Variants in CHLSN observed in about 807,000 individuals in gnomAD.
The protein encoded by CHLSN is cholesin.
At chr7:986,554 G>C in the CHLSN span, 21 of 1,566,762 alleles carry the variant, frequency 1.3e-5, no homozygotes, top group African/African-American at 4.1e-5. Flanking sequence ...CGCTGGGGAC[G>C]ATCACCGCCT....
chr7:1,130,702 T>C, the CHLSN span, among the ~76,000 whole-genome samples: 11 of 145,266 alleles, frequency 7.6e-5, no homozygotes, highest in Admixed American at 7.5e-4. Flanking sequence ...CCAGGCTATG[T>C]GGGCCCCGGG....
chr7:1,058,314 G>A, the CHLSN span: 1 of 776,152 alleles, frequency 1.3e-6, no homozygotes, highest in African/African-American at 1.7e-5. Flanking sequence ...GAAGCCCGTG[G>A]ACGCACACTA....
the CHLSN span, chr7:1,093,109 A>C: frequency 3.0e-6 from 2 of 655,964 alleles, no homozygotes; most frequent in Non-Finnish European, 5.7e-6. Flanking sequence ...TCCAAAGGCC[A>C]GCGGTGACCA....
At chr7:1,100,666 G>C in the CHLSN span, among the ~76,000 whole-genome samples, 1 of 152,136 alleles carries the variant, frequency 6.6e-6, no homozygotes, top group Non-Finnish European at 1.5e-5. Context: ...CGGAAACAAA[G>C]TGGGGGCTGG....
the CHLSN span, among the ~76,000 whole-genome samples, chr7:1,132,924 C>A: frequency 6.6e-6 from 1 of 152,086 alleles, no homozygotes; most frequent in Non-Finnish European, 1.5e-5. Flanking sequence ...AGCATCGGGT[C>A]ATTTAGGAAA....
chr7:1,042,758 G>A, the CHLSN span, among the ~76,000 whole-genome samples: 1 of 152,126 alleles, frequency 6.6e-6, no homozygotes, highest in African/African-American at 2.4e-5. Context: ...AGACAGCACG[G>A]TGCATACTCT....
At chr7:1,123,169 A>G in the CHLSN span, among the ~76,000 whole-genome samples, 3 of 152,162 alleles carry the variant, frequency 2.0e-5, no homozygotes, top group African/African-American at 7.2e-5. The surrounding 1 kb of genome is among the most constrained non-coding windows in gnomAD (Gnocchi z 4.4). Context: ...TGGGAGAGTG[A>G]GTGCACCCGG....
the CHLSN span, chr7:1,022,969 A>G: frequency 4.2e-6 from 2 of 472,464 alleles, no homozygotes; most frequent in African/African-American, 4.0e-5. Context: ...TCTGTCGTCG[A>G]GGCGCTCACA....
the CHLSN span, among the ~76,000 whole-genome samples, chr7:1,096,775 C>T: frequency 3.9e-5 from 6 of 152,234 alleles, no homozygotes; most frequent in Non-Finnish European, 5.9e-5. This position sits in a 1 kb window ranked among gnomAD's most constrained non-coding sequence, Gnocchi z 4.6. Flanking sequence ...GAGAGTGACA[C>T]GGCTTACCCG....
the CHLSN span, among the ~76,000 whole-genome samples, chr7:1,119,826 G>A: frequency 1.1e-4 from 17 of 150,518 alleles, no homozygotes; most frequent in Non-Finnish European, 1.3e-4. Flanking sequence ...GCGGTGAGCC[G>A]AGATTGTGTC....
chr7:985,640 TG>T, the CHLSN span, among the ~76,000 whole-genome samples: 16 of 152,188 alleles, frequency 1.1e-4, no homozygotes, highest in African/African-American at 3.6e-4. Context: ...GCTCCATGTC[TG>T]CCCCCCAAGC....
chr7:1,024,814 C>T, the CHLSN span: 1 of 152,246 alleles, frequency 6.6e-6, no homozygotes, highest in Non-Finnish European at 1.5e-5. Flanking sequence ...CTGCGAGCGG[C>T]TATTTAGACT....
the CHLSN span, chr7:1,025,979 G>T: frequency 6.6e-6 from 1 of 152,270 alleles, no homozygotes; most frequent in Non-Finnish European, 1.5e-5. Flanking sequence ...TGCAGTGGAG[G>T]GAAGAGTGAA....
At chr7:1,021,507 G>A in the CHLSN span, 1 of 985,454 alleles carries the variant, frequency 1.0e-6, no homozygotes, top group South Asian at 4.7e-5. Flanking sequence ...GCCAGTAGTT[G>A]GAGCTGGGAC....
chr7:997,584 AGCCCTGCACTGGGCAGCGGCCCC>A, the CHLSN span: 107 of 1,440,518 alleles, frequency 7.4e-5, 1 homozygote, highest in South Asian at 1.5e-3. Flanking sequence ...GGTCTGAGGC[AGCCCTGCACTGGGCAGCGGCCCC>A]GCCCCGCGCT....
the CHLSN span, among the ~76,000 whole-genome samples, chr7:1,110,739 T>G: frequency 1.1e-4 from 16 of 150,772 alleles, no homozygotes; most frequent in Non-Finnish European, 2.4e-4. Context: ...ACATGAAGGA[T>G]AGATAAAGGC....
chr7:1,023,822 G>A, the CHLSN span, among the ~76,000 whole-genome samples: 2 of 152,154 alleles, frequency 1.3e-5, no homozygotes, highest in African/African-American at 4.8e-5. This position sits in a 1 kb window ranked among gnomAD's most constrained non-coding sequence, Gnocchi z 5.0. Flanking sequence ...CCCAGGCCAG[G>A]GGACTGGAGG....
At chr7:997,894 C>G in the CHLSN span, 3 of 1,268,864 alleles carry the variant, frequency 2.4e-6, no homozygotes, top group South Asian at 4.0e-5. Context: ...CAAGGACACC[C>G]GGGCCTCAGG....
chr7:1,119,770 G>A, the CHLSN span, among the ~76,000 whole-genome samples: 1 of 152,166 alleles, frequency 6.6e-6, no homozygotes, highest in Admixed American at 6.5e-5. Flanking sequence ...CCAGCTACTC[G>A]GGAGGCTGAG....
Sources: gnomAD v4.1 joint callset for allele counts (sites outside exome capture counted in the v4.1 genomes callset) on GRCh38, gnomAD v4.1.1 for gene constraint, Gnocchi (gnomAD v3.1) non-coding constraint, MANE v1.5 for transcripts, NCBI Gene and HGNC (gene_info 2026-07-23, HGNC 2026-07-21) for gene names.